The following PTDSS2 variants were observed in gnomAD, a reference collection of about 807,000 sequenced individuals.
PTDSS2 encodes the protein phosphatidylserine synthase 2.
In PTDSS2, 41 loss-of-function variants were observed where a neutral mutation model predicts 64.7. That is an observed-to-expected ratio of 0.63 (90% CI 0.49 to 0.82). PTDSS2 has a LOEUF of 0.82. Ranked by LOEUF, PTDSS2 falls within the 40% of genes least tolerant of loss-of-function variation. The probability of loss-of-function intolerance (pLI) is 0.00; values close to 1 mark genes in which losing one functional copy is unlikely to be tolerated. For synonymous variants in PTDSS2, 297 were observed against 277.8 expected, an observed-to-expected ratio of 1.07 and a Z score of -0.69; for missense variants, 485 against 650.0, an observed-to-expected ratio of 0.75 and a Z score of 2.76.
chr11:449,591 T>C (rs1165598867), upstream of PTDSS2, among the ~76,000 whole-genome samples: 1 of 152,122 alleles, frequency 6.6e-6, no homozygotes, highest in Non-Finnish European at 1.5e-5. Context: ...ACAATTTGGG[T>C]CAACTAAAAT....
chr11:473,122 C>T (rs1847557177), intron 2 of PTDSS2, among the ~76,000 whole-genome samples: 2 of 152,260 alleles, frequency 1.3e-5, no homozygotes, highest in African/African-American at 4.8e-5. Flanking sequence ...GCCTAAGCTG[C>T]TGCTCACCGA....
chr11:472,145 G>A (rs1275789219), intron 2 of PTDSS2, among the ~76,000 whole-genome samples: 2 of 152,148 alleles, frequency 1.3e-5, no homozygotes, highest in Non-Finnish European at 2.9e-5. Context: ...CGCCTGCACC[G>A]GGAGCAGCTT....
rs112887434 is a variant in PTDSS2 at position 487,087 on chromosome 11, G to A, written c.570+14G>A. The A allele has an allele frequency of 6.8e-4, 1,097 of 1,608,158 alleles. 8 individuals are homozygous for A. The African/African-American group carries it at 0.013, about 19-fold the overall frequency. ...CACAACATCTGGGTAAGACGCCGGG[G>A]GCCCTGAGGCGAGCCCCTCCCCAGG... On this transcript the variant is annotated intron_variant, in intron 5 of 11. Transcript: ENST00000308020.
chr11:476,877 T>G lies in PTDSS2; in HGVS notation c.368-2208T>G, dbSNP rs1028797213. Among the ~76,000 whole-genome samples the G allele has an allele frequency of 1.3e-5, 2 of 152,218 alleles. No individual in the cohort carries two copies. Among genetic ancestry groups the G allele is most frequent in the African/African-American group, 4.8e-5 (2 of 41,464 alleles). On this transcript the variant is annotated intron_variant, in intron 3 of 11. Coordinates refer to ENST00000308020, the MANE Select transcript of PTDSS2 (RefSeq NM_030783.3). The surrounding 1 kb of genome is among the most constrained non-coding windows in gnomAD (Gnocchi z 4.9). ...CCATATTACTTTGCCAATCTTCGAT[T>G]TATTGACGGGGAAGCCTGTCCTGGA...
chr11:454,466 G>A (rs75689984), intron 1 of PTDSS2, among the ~76,000 whole-genome samples: 1 of 152,214 alleles, frequency 6.6e-6, no homozygotes, highest in Non-Finnish European at 1.5e-5. Flanking sequence ...CAAGGAGTGA[G>A]TGTTGGGTTG....
chr11:451,379 C>CGACAGCTGCA (rs1236022317), intron 1 of PTDSS2: 1 of 447,258 alleles, frequency 2.2e-6, no homozygotes, highest in Non-Finnish European at 4.5e-6. Context: ...CTCCTACTCC[C>CGACAGCTGCA]GACAGCTGCG....
intron 1 of PTDSS2, among the ~76,000 whole-genome samples, chr11:454,628 A>T (rs895874994): frequency 1.4e-4 from 22 of 152,122 alleles, no homozygotes; most frequent in African/African-American, 5.3e-4. Flanking sequence ...AATATGGTGA[A>T]ACCCGGTCTC....
chr11:460,292 A>C lies in PTDSS2; in HGVS notation c.284+4A>C. 1 of 1,612,498 alleles carries C rather than the reference A, an allele frequency of 6.2e-7. No individual in the cohort carries two copies. The highest frequency in any genetic ancestry group is 8.5e-7 in the Non-Finnish European group (1 of 1,178,590). On this transcript the variant is annotated splice_donor_region_variant and intron_variant, in intron 2 of 11. Coordinates refer to ENST00000308020, the MANE Select transcript of PTDSS2 (RefSeq NM_030783.3). This position sits in a 1 kb window ranked among gnomAD's most constrained non-coding sequence, Gnocchi z 5.8. ...ACACGGCCTACAACACCAAGAGGTAAGCTGCCCTCTTGTCCTGCCTTCTGA... is the reference window on the plus strand; with the variant it reads ...ACACGGCCTACAACACCAAGAGGTACGCTGCCCTCTTGTCCTGCCTTCTGA...
chr11:489,377 G>A (rs775883258), intron 8 of PTDSS2, 23 bp from the exon 9 acceptor site: 5 of 1,604,256 alleles, frequency 3.1e-6, no homozygotes, highest in Non-Finnish European at 2.6e-6. Context: ...CCTTCCTCAG[G>A]CTGCCGGCTC....
At chr11:488,375 G>A (rs890001275) in intron 7 of PTDSS2, 63 bp downstream of exon 7, 1 of 1,458,446 alleles carries the variant, frequency 6.9e-7, no homozygotes, top group Non-Finnish European at 9.6e-7. Flanking sequence ...CGGAACCCCT[G>A]TGCCCAGCGC....
chr11:490,753 C>A lies in PTDSS2; in HGVS notation c.*171C>A. 1 of 636,508 alleles carries A rather than the reference C, an allele frequency of 1.6e-6. No homozygotes were observed. Among genetic ancestry groups the A allele is most frequent in the Non-Finnish European group, 2.7e-6 (1 of 372,386 alleles). The allele number at this position is 636,508 out of a possible 1,614,324, so 39.4% of individuals were successfully genotyped here. A position where few individuals can be genotyped will look rare whatever the true frequency, so the allele number is the denominator to read the frequency against. On this transcript the variant is annotated 3_prime_UTR_variant, in exon 12 of 12. Transcript: ENST00000308020. ...GGGGTGGAGGAGGCCCCAGCACAGC[C>A]TCATCTCCATGTGTACACGTGTGTA...
At chr11:485,297 T>C (rs1234914369) in intron 4 of PTDSS2, among the ~76,000 whole-genome samples, 1 of 130,024 alleles carries the variant, frequency 7.7e-6, no homozygotes, top group African/African-American at 2.9e-5. Context: ...GGCGCGTGTG[T>C]GCTCACTGTG....
In PTDSS2 at chr11:490,816, G is replaced by A. The variant is rs1312352034; in HGVS notation, c.*234G>A. On this transcript the variant is annotated 3_prime_UTR_variant, in exon 12 of 12. Transcript: ENST00000308020. ...TGTGTGTACGCGTGTGTACGCGCGT[G>A]TGTACACATGCGTGGCCGCCTGTGG... 5 of 571,170 alleles carry A rather than the reference G, an allele frequency of 8.8e-6. No homozygotes were observed. The highest frequency in any genetic ancestry group is 5.8e-5 in the East Asian group (2 of 34,216). 35.4% of individuals were successfully genotyped at this position (571,170 alleles called of 1,614,324 possible).
At position 479,431 on chromosome 11, in the gene PTDSS2, G is replaced by A; in HGVS notation, c.435+279G>A. ...GGGCGCTGACTGTGGCCATTTAGCAGGGCCACACTTAAGGAGGGCAGGGCC... is the reference window on the plus strand; with the variant it reads ...GGGCGCTGACTGTGGCCATTTAGCAAGGCCACACTTAAGGAGGGCAGGGCC... On this transcript the variant is annotated intron_variant, in intron 4 of 11. Coordinates refer to ENST00000308020, the MANE Select transcript of PTDSS2 (RefSeq NM_030783.3). The surrounding 1 kb of genome is among the most constrained non-coding windows in gnomAD (Gnocchi z 4.2). 3.7e-6 allele frequency: 2 copies of A among 538,652 alleles called. No homozygotes were observed. The highest frequency in any genetic ancestry group is 6.3e-5 in the Admixed American group (2 of 31,738). The allele number at this position is 538,652 out of a possible 1,614,324, so 33.4% of individuals were successfully genotyped here.
upstream of PTDSS2, chr11:450,276 C>T (rs754671851): frequency 2.3e-3 from 965 of 427,942 alleles, 4 homozygotes; most frequent in Non-Finnish European, 3.2e-3. Context: ...GACTACAAGC[C>T]CCACAATGCA....
At chr11:490,178 AC>A in intron 11 of PTDSS2, 110 bp downstream of exon 11, 1 of 1,296,472 alleles carries the variant, frequency 7.7e-7, no homozygotes, top group Non-Finnish European at 1.1e-6. Flanking sequence ...CCCTGCTTCA[AC>A]CCTCTGGCCG....
chr11:451,391 C>T (rs1163475387), intron 1 of PTDSS2: 1 of 449,100 alleles, frequency 2.2e-6, no homozygotes, highest in South Asian at 1.6e-5. Context: ...ACAGCTGCGA[C>T]CCTGGGCTGG....
chr11:488,412 G>T (rs771479662), intron 7 of PTDSS2, 100 bp downstream of exon 7: 4 of 1,305,034 alleles, frequency 3.1e-6, no homozygotes, highest in Non-Finnish European at 4.4e-6. Flanking sequence ...CATTCTCCCC[G>T]GGGGGCAGTG....
At position 450,461 on chromosome 11, in the gene PTDSS2, G is replaced by A; in HGVS notation, c.6G>A (p.Arg2=). 1 of 1,228,974 alleles carries A rather than the reference G, an allele frequency of 8.1e-7. No individual in the cohort carries two copies. The highest frequency in any genetic ancestry group is 3.2e-5 in the East Asian group (1 of 31,048). The allele number at this position is 1,228,974 out of a possible 1,614,324, so 76.1% of individuals were successfully genotyped here. The change falls in exon 1 of 12, where the codon CGG becomes CGA. Residue 2 remains arginine (R), a synonymous_variant. Transcript: ENST00000308020. Reference sequence around the variant, plus strand: ...TGGCTCCGGGCCGAAACGCCATGCGGAGGGGCGAGCGCAGGGACGCCGGAG... The same window carrying A: ...TGGCTCCGGGCCGAAACGCCATGCGAAGGGGCGAGCGCAGGGACGCCGGAG... The part of the protein sequence containing the change: M[R]RGERRDAGGP...
Sources: gnomAD v4.1 joint callset for allele counts (sites outside exome capture counted in the v4.1 genomes callset) on GRCh38, gnomAD v4.1.1 for gene constraint, Gnocchi (gnomAD v3.1) non-coding constraint, MANE v1.5 for transcripts, NCBI Gene and HGNC (gene_info 2026-07-23, HGNC 2026-07-21) for gene names.